Variants in AOPEP observed in about 807,000 individuals in gnomAD.
AOPEP encodes the protein aminopeptidase O (putative).
In AOPEP, 77 loss-of-function variants were observed where a neutral mutation model predicts 98.1. The ratio of observed to expected loss-of-function variants is 0.78; its 90% confidence interval spans 0.65 to 0.95. The LOEUF is 0.95. Among genes scored for constraint, AOPEP ranks in the 40% least tolerant of loss-of-function variants. The pLI is 0.00. For missense variants in AOPEP, 1,024 were observed against 1,024.7 expected, an observed-to-expected ratio of 1.00 and a Z score of 0.01; for synonymous variants, 346 against 365.3, an observed-to-expected ratio of 0.95 and a Z score of 0.60.
chr9:95,035,813 G>A (rs1186972919), intron 13 of AOPEP, among the ~76,000 whole-genome samples: 4 of 151,266 alleles, frequency 2.6e-5, no homozygotes, highest in East Asian at 3.9e-4. Context: ...GAGCCACTGC[G>A]CCCAGCCCAG....
At chr9:94,761,578 T>G (rs1838308183) in intron 2 of AOPEP, among the ~76,000 whole-genome samples, 1 of 152,170 alleles carries the variant, frequency 6.6e-6, no homozygotes, top group Admixed American at 6.5e-5. Context: ...CTCCCTCAAT[T>G]CATCCCCCAA....
At chr9:94,730,066 C>T (rs1042203243) in intron 1 of AOPEP, among the ~76,000 whole-genome samples, 2 of 152,086 alleles carry the variant, frequency 1.3e-5, no homozygotes, top group Non-Finnish European at 2.9e-5. Context: ...GGGTAGATCA[C>T]GAGGTCAGGA....
the AOPEP span, chr9:95,150,038 T>G: frequency 6.2e-6 from 10 of 1,613,924 alleles, no homozygotes; most frequent in African/African-American, 1.3e-5. Flanking sequence ...GTCAGGGTAA[T>G]AAGTGGGACA....
At chr9:95,086,642 G>A (rs927805514) in intron 16 of AOPEP, 40 bp from the exon 17 acceptor site, 20 of 987,280 alleles carry the variant, frequency 2.0e-5, no homozygotes, top group African/African-American at 5.2e-5. Flanking sequence ...AATTCCTCCC[G>A]GTGACTGGGT....
chr9:94,729,910 A>C (rs1830123014), intron 1 of AOPEP, among the ~76,000 whole-genome samples: 1 of 152,234 alleles, frequency 6.6e-6, no homozygotes, highest in African/African-American at 2.4e-5. Context: ...AGTAAGCAAG[A>C]GAAAGAGTAG....
At chr9:95,054,280 A>G (rs1478134296) in intron 13 of AOPEP, among the ~76,000 whole-genome samples, 4 of 152,144 alleles carry the variant, frequency 2.6e-5, no homozygotes, top group Non-Finnish European at 5.9e-5. Flanking sequence ...GTCTGGCAGG[A>G]TCTGGGGTTG....
intron 1 of AOPEP, among the ~76,000 whole-genome samples, chr9:94,753,872 G>T (rs1310095724): frequency 6.6e-6 from 1 of 152,204 alleles, no homozygotes; most frequent in East Asian, 1.9e-4. Flanking sequence ...GGATACACCT[G>T]TGCCTCTTTT....
chr9:95,045,572 C>T (rs909879363), intron 13 of AOPEP, among the ~76,000 whole-genome samples: 2 of 152,246 alleles, frequency 1.3e-5, no homozygotes, highest in African/African-American at 2.4e-5. Flanking sequence ...CCGCGGAGGG[C>T]TCTGGGTCGG....
chr9:94,894,317 C>T (rs2049220606), intron 5 of AOPEP, among the ~76,000 whole-genome samples: 1 of 152,088 alleles, frequency 6.6e-6, no homozygotes, highest in Non-Finnish European at 1.5e-5. Flanking sequence ...CATTGGCTAA[C>T]TGCATTAAGA....
Position 94,797,701 on chromosome 9 carries a change from AC to A in AOPEP, c.1119-3054del, listed in dbSNP as rs1438187466. Reference sequence around the variant, plus strand: ...ACAGTAAGTTAGTAAATTCTCTCATACCTTTTTTTTTTTTTTTTTTGAGACA... The same window carrying A: ...ACAGTAAGTTAGTAAATTCTCTCATACTTTTTTTTTTTTTTTTTTGAGACA... On this transcript the variant is annotated intron_variant, in intron 4 of 16. Coordinates refer to ENST00000375315, the MANE Select transcript of AOPEP (RefSeq NM_001193329.3). 3.6e-5 allele frequency among the ~76,000 whole-genome samples: 5 copies of A among 138,944 alleles called. 1 individual carries two copies. Among genetic ancestry groups the A allele is most frequent in the African/African-American group, 8.7e-5 (3 of 34,656 alleles). 91.2% of individuals were successfully genotyped at this position (138,944 alleles called of 152,430 possible).
intron 5 of AOPEP, among the ~76,000 whole-genome samples, chr9:94,891,557 CCATATA>C (rs539945045): frequency 6.6e-5 from 10 of 151,980 alleles, no homozygotes; most frequent in Non-Finnish European, 1.5e-4. Flanking sequence ...TCATGCAATA[CCATATA>C]CATATGTAAC....
rs2065951803 is a variant in AOPEP, at chr9:95,047,457, T to A, written c.2116-13237T>A. Among the ~76,000 whole-genome samples, 5 of 152,178 alleles carry A rather than the reference T, an allele frequency of 3.3e-5. No homozygotes were observed. The South Asian group carries it at 1.0e-3, about 31-fold the overall frequency. ...TTTCTAAGCATGTTTTAATTATAAT[T>A]TTTCTCATCTACAACATTCTAATTA... On this transcript the variant is annotated intron_variant, in intron 13 of 16. Coordinates refer to ENST00000375315, the MANE Select transcript of AOPEP (RefSeq NM_001193329.3).
At chr9:94,741,952 A>G (rs141702726) in intron 1 of AOPEP, among the ~76,000 whole-genome samples, 27 of 152,154 alleles carry the variant, frequency 1.8e-4, no homozygotes, top group African/African-American at 5.8e-4. Flanking sequence ...TCCATTTACA[A>G]CTCAGCACTA....
intron 5 of AOPEP, among the ~76,000 whole-genome samples, chr9:94,866,692 G>A (rs2045741379): frequency 6.6e-6 from 1 of 152,108 alleles, no homozygotes; most frequent in Admixed American, 6.5e-5. Context: ...TTTGAATATG[G>A]AAATTTTTGG....
chr9:94,810,345 C>T lies in AOPEP; in HGVS notation c.1364+9343C>T, dbSNP rs201474542. ...TTTTTTTTTTTTTGAGACAGAGTCTCGCTCTGTCACCCAGGCTGTAGTGCA... is the reference window on the plus strand; with the variant it reads ...TTTTTTTTTTTTTGAGACAGAGTCTTGCTCTGTCACCCAGGCTGTAGTGCA... On this transcript the variant is annotated intron_variant, in intron 5 of 16. Transcript: ENST00000375315. 2.6e-4 allele frequency among the ~76,000 whole-genome samples: 39 copies of T among 149,836 alleles called. No homozygotes were observed. In the East Asian group the frequency reaches 2.9e-3, roughly 11 times the overall value.
chr9:94,838,724 A>G (rs188201249), intron 5 of AOPEP, among the ~76,000 whole-genome samples: 4 of 152,240 alleles, frequency 2.6e-5, no homozygotes, highest in Admixed American at 2.6e-4. Flanking sequence ...CTTCCAGATG[A>G]TGGTTCTTAC....
intron 3 of AOPEP, among the ~76,000 whole-genome samples, chr9:94,789,831 T>C (rs114286664): frequency 0.038 from 5,771 of 152,198 alleles, 346 homozygotes; most frequent in African/African-American, 0.13. Flanking sequence ...GGCTTCAGTG[T>C]CTCTGGATTT....
chr9:94,769,057 T>C (rs418764), intron 2 of AOPEP, among the ~76,000 whole-genome samples: 33,209 of 152,120 alleles, frequency 0.22, 5,119 homozygotes, highest in African/African-American at 0.43. Flanking sequence ...AGCAGGGAAT[T>C]GGCCCTCCAT....
intron 5 of AOPEP, among the ~76,000 whole-genome samples, chr9:94,829,195 T>TACACAC (rs137955329): frequency 2.7e-4 from 40 of 150,550 alleles, no homozygotes; most frequent in African/African-American, 9.5e-4. Context: ...TAAACCAGTT[T>TACACAC]ACACACACAC....
Sources: allele counts gnomAD v4.1 joint callset (sites outside exome capture counted in the v4.1 genomes callset), GRCh38; gene constraint gnomAD v4.1.1; transcripts MANE v1.5; gene names NCBI Gene and HGNC (gene_info 2026-07-23, HGNC 2026-07-21).